The following RBFOX1 variants were observed in gnomAD, a reference collection of about 807,000 sequenced individuals.
The protein encoded by RBFOX1 is RNA binding protein fox-1 homolog 1.
A neutral mutation model predicts 57.7 loss-of-function variants in RBFOX1; 8 were observed. The observed-to-expected ratio is 0.14, with a 90% confidence interval of 0.08 to 0.25. RBFOX1 has a LOEUF of 0.25. Among genes scored for constraint, RBFOX1 ranks in the 10% least tolerant of loss-of-function variants. The pLI, the probability that RBFOX1 is intolerant of heterozygous loss-of-function variation, is 1.00. For missense variants in RBFOX1, 611 were observed against 548.5 expected, an observed-to-expected ratio of 1.11 and a Z score of -1.14; for synonymous variants, 326 against 222.4, an observed-to-expected ratio of 1.47 and a Z score of -4.15.
At chr16:6,593,423 C>T (rs560983873) in intron 2 of RBFOX1, among the ~76,000 whole-genome samples, 105 of 152,158 alleles carry the variant, frequency 6.9e-4, no homozygotes, top group African/African-American at 2.5e-3. Flanking sequence ...TTCCTGATGC[C>T]CCAAGAGGAA....
At chr16:6,554,389 C>T (rs1489322347) in intron 2 of RBFOX1, among the ~76,000 whole-genome samples, 3 of 152,056 alleles carry the variant, frequency 2.0e-5, no homozygotes, top group Non-Finnish European at 4.4e-5. Flanking sequence ...AGGGATGGAG[C>T]GTGGACTGCA....
chr16:6,041,575 C>T (rs2095436804), intron 1 of RBFOX1, among the ~76,000 whole-genome samples: 1 of 152,058 alleles, frequency 6.6e-6, no homozygotes, highest in Admixed American at 6.6e-5. Flanking sequence ...TATGTGACTC[C>T]CTGAAGCCAC....
At chr16:5,421,856 C>T (rs914165985) in intron 1 of RBFOX1, among the ~76,000 whole-genome samples, 7 of 152,052 alleles carry the variant, frequency 4.6e-5, no homozygotes, top group East Asian at 1.9e-4. Context: ...CAGACGGCAC[C>T]GGCACACGTG....
intron 2 of RBFOX1, among the ~76,000 whole-genome samples, chr16:6,498,523 C>A (rs947995681): frequency 6.6e-6 from 1 of 151,974 alleles, no homozygotes; most frequent in Non-Finnish European, 1.5e-5. Flanking sequence ...CCTTTTAGAC[C>A]CATAGATTTT....
At chr16:6,463,254 C>G (rs955711012) in intron 2 of RBFOX1, among the ~76,000 whole-genome samples, 3 of 152,112 alleles carry the variant, frequency 2.0e-5, no homozygotes, top group Non-Finnish European at 2.9e-5. Context: ...GGCCTAATGA[C>G]AACATTAATT....
chr16:7,169,124 T>C (rs2080164710), intron 4 of RBFOX1, among the ~76,000 whole-genome samples: 1 of 152,198 alleles, frequency 6.6e-6, no homozygotes, highest in South Asian at 2.1e-4. Context: ...TGTGAAGTTC[T>C]CACCTATTAA....
intron 4 of RBFOX1, among the ~76,000 whole-genome samples, chr16:7,105,966 T>C (rs2063515653): frequency 6.6e-6 from 1 of 152,140 alleles, no homozygotes; most frequent in Admixed American, 6.6e-5. Flanking sequence ...TCTTTGTCTG[T>C]GCTAATGACA....
chr16:6,288,474 C>G (rs760797416), intron 1 of RBFOX1, among the ~76,000 whole-genome samples: 2 of 152,124 alleles, frequency 1.3e-5, no homozygotes, highest in Admixed American at 1.3e-4. Flanking sequence ...CAAATAAGGT[C>G]CATGCATCAT....
At chr16:5,546,592 A>G (rs900820162) in intron 2 of RBFOX1, among the ~76,000 whole-genome samples, 1 of 152,214 alleles carries the variant, frequency 6.6e-6, no homozygotes, top group African/African-American at 2.4e-5. Context: ...TATCTGTGGC[A>G]TATACAAAAA....
intron 4 of RBFOX1, among the ~76,000 whole-genome samples, chr16:5,970,058 A>G (rs2059932565): frequency 6.6e-6 from 1 of 151,916 alleles, no homozygotes; most frequent in African/African-American, 2.4e-5. Context: ...CACTCTACAC[A>G]TTGCTGCCAC....
chr16:6,556,375 C>G (rs1485417972), intron 2 of RBFOX1, among the ~76,000 whole-genome samples: 14 of 152,150 alleles, frequency 9.2e-5, no homozygotes, highest in Non-Finnish European at 2.9e-5. Context: ...GCCGGCTCTC[C>G]TTTTATTCTG....
chr16:5,540,714 A>T (rs571279167), intron 2 of RBFOX1, among the ~76,000 whole-genome samples: 7 of 152,146 alleles, frequency 4.6e-5, no homozygotes, highest in African/African-American at 9.7e-5. Context: ...CTGACTTGTT[A>T]AAAACACCCT....
intron 6 of RBFOX1, among the ~76,000 whole-genome samples, chr16:7,580,882 T>C (rs968304852): frequency 3.9e-5 from 6 of 152,182 alleles, no homozygotes; most frequent in African/African-American, 7.2e-5. Context: ...CCTTAACATT[T>C]GACTTAGAGC....
chr16:7,304,469 T>G, intron 4 of RBFOX1: 2 of 985,120 alleles, frequency 2.0e-6, no homozygotes, highest in Non-Finnish European at 2.4e-6. Context: ...GCCTTGACTT[T>G]TATGTACTTA....
chr16:6,934,032 C>A (rs1400927732), intron 3 of RBFOX1, among the ~76,000 whole-genome samples: 1 of 152,210 alleles, frequency 6.6e-6, no homozygotes, highest in African/African-American at 2.4e-5. Flanking sequence ...CGATTGCACA[C>A]TGGGCTAGAG....
chr16:6,197,284 C>G (rs1217412086), intron 1 of RBFOX1, among the ~76,000 whole-genome samples: 3 of 151,870 alleles, frequency 2.0e-5, no homozygotes, highest in Non-Finnish European at 4.4e-5. Flanking sequence ...TTTTTTTTTC[C>G]AAGCTTGAGA....
At chr16:7,704,695 A>G in intron 14 of RBFOX1, among the ~76,000 whole-genome samples, 1 of 152,114 alleles carries the variant, frequency 6.6e-6, no homozygotes, top group Non-Finnish European at 1.5e-5. Context: ...GGGAAATAAG[A>G]TTATTAGAGT....
At chr16:6,645,316 C>A (rs1267019834) in intron 2 of RBFOX1, among the ~76,000 whole-genome samples, 1 of 152,096 alleles carries the variant, frequency 6.6e-6, no homozygotes, top group Non-Finnish European at 1.5e-5. Context: ...TTGAGCATAT[C>A]TTTTGGGGGG....
At chr16:7,543,414 T>TCTGGCATCTCC (rs2083488686) in intron 5 of RBFOX1, among the ~76,000 whole-genome samples, 1 of 152,166 alleles carries the variant, frequency 6.6e-6, no homozygotes, top group Non-Finnish European at 1.5e-5. Flanking sequence ...CCAGCAGCTA[T>TCTGGCATCTCC]CACTGCCAAG....
Sources: allele counts gnomAD v4.1 joint callset (sites outside exome capture counted in the v4.1 genomes callset), GRCh38; gene constraint gnomAD v4.1.1; transcripts MANE v1.5; gene names NCBI Gene and HGNC (gene_info 2026-07-23, HGNC 2026-07-21).